Variants in IRAK3 observed in about 807,000 individuals in gnomAD.
IRAK3 encodes interleukin 1 receptor associated kinase 3.
In IRAK3, 57 loss-of-function variants were observed where a neutral mutation model predicts 56.6. The observed-to-expected ratio is 1.01, with a 90% CI of 0.81 to 1.26. IRAK3 has a LOEUF of 1.26. Ranked by LOEUF, IRAK3 falls within the 50% of genes most tolerant of loss-of-function variation. IRAK3 has a pLI of 0.00. For missense variants in IRAK3, 703 were observed against 719.0 expected (o/e 0.98, Z 0.25); for synonymous variants, 258 against 255.7 (o/e 1.01, Z -0.09).
At chr12:66,219,662 C>T (rs963659302) in intron 6 of IRAK3, among the ~76,000 whole-genome samples, 1 of 152,112 alleles carries the variant, frequency 6.6e-6, no homozygotes, top group African/African-American at 2.4e-5. Context: ...CTTTATATTC[C>T]AACCAACAGC....
intron 1 of IRAK3, among the ~76,000 whole-genome samples, chr12:66,195,998 C>T (rs1474674393): frequency 1.3e-5 from 2 of 151,648 alleles, no homozygotes; most frequent in Non-Finnish European, 2.9e-5. Flanking sequence ...CCACCACTCT[C>T]TTATGCCTCT....
intron 6 of IRAK3, among the ~76,000 whole-genome samples, chr12:66,217,540 A>G (rs781699996): frequency 1.3e-5 from 2 of 152,148 alleles, no homozygotes; most frequent in African/African-American, 2.4e-5. Context: ...ATATTTCACC[A>G]TTTCCTCCTT....
chr12:66,232,187 C>A (rs1024301042), intron 8 of IRAK3, among the ~76,000 whole-genome samples: 1 of 152,182 alleles, frequency 6.6e-6, no homozygotes, highest in African/African-American at 2.4e-5. Flanking sequence ...GGGCTGCTGA[C>A]AATTGTTGCC....
chr12:66,220,232 T>C (rs1379467171), intron 6 of IRAK3, among the ~76,000 whole-genome samples: 1 of 152,166 alleles, frequency 6.6e-6, no homozygotes, highest in Non-Finnish European at 1.5e-5. Context: ...GTATATGGTG[T>C]AAGACAAAGG....
Position 66,245,254 on chromosome 12 carries a change from A to G in IRAK3, c.1306A>G (p.Met436Val), listed in dbSNP as rs555279649. Residue 436 changes from methionine (M) to valine (V), a missense_variant, in exon 11 of 12, where the codon ATG (methionine) becomes GTG (valine). Met to Val is a conservative substitution (Grantham distance 21, BLOSUM62 1). Coordinates refer to ENST00000261233, the MANE Select transcript of IRAK3 (RefSeq NM_007199.3). Reference protein sequence around the residue: ...AATRAKLRPSMDEVLNTLEST... With the variant: ...AATRAKLRPSVDEVLNTLEST... ...AACGCGGGCAAAGTTAAGACCATCA[A>G]TGGATGAAGTGAGTATATACATGGT... 2.0e-4 allele frequency: 322 copies of G among 1,614,178 alleles called. 4 individuals carry two copies. The South Asian group carries it at 3.1e-3, about 16-fold the overall frequency.
At chr12:66,203,660 T>G (rs749865097) in intron 1 of IRAK3, 51 bp from the exon 2 acceptor site, 10 of 1,515,244 alleles carry the variant, frequency 6.6e-6, no homozygotes, top group Non-Finnish European at 9.2e-7. Flanking sequence ...AAACAAGTAT[T>G]TTGATAAAAG....
At chr12:66,199,116 A>T (rs1051448428) in intron 1 of IRAK3, among the ~76,000 whole-genome samples, 1 of 152,158 alleles carries the variant, frequency 6.6e-6, no homozygotes, top group Non-Finnish European at 1.5e-5. Flanking sequence ...CTGAAATTTG[A>T]TATTTAGAGT....
intron 6 of IRAK3, among the ~76,000 whole-genome samples, chr12:66,221,888 G>T (rs1368773362): frequency 6.6e-6 from 1 of 152,130 alleles, no homozygotes; most frequent in South Asian, 2.1e-4. Context: ...AATTAGCCAG[G>T]TGTAGTGGTG....
intron 5 of IRAK3, among the ~76,000 whole-genome samples, chr12:66,214,681 C>T (rs1592585988): frequency 6.6e-6 from 1 of 152,174 alleles, no homozygotes; most frequent in East Asian, 1.9e-4. Context: ...TTAGAATTAT[C>T]TAGGAGCTTT....
chr12:66,218,587 G>A (rs192445192), intron 6 of IRAK3, among the ~76,000 whole-genome samples: 4 of 151,926 alleles, frequency 2.6e-5, no homozygotes, highest in East Asian at 1.9e-4. Flanking sequence ...CTTAATTTTC[G>A]CCAATCTGAT....
Position 66,222,217 on chromosome 12 carries a change from T to G in IRAK3, c.654-4506T>G, listed in dbSNP as rs1408251103. On this transcript the variant is annotated intron_variant, in intron 6 of 11. Coordinates refer to ENST00000261233, the MANE Select transcript of IRAK3 (RefSeq NM_007199.3). Reference sequence around the variant, plus strand: ...TAAGTTTGACAGTGTTCCCTCGTCTTTAATTTTTTAAAAGATTTTGACAGG... The same window carrying G: ...TAAGTTTGACAGTGTTCCCTCGTCTGTAATTTTTTAAAAGATTTTGACAGG... Among the ~76,000 whole-genome samples the G allele has an allele frequency of 2.0e-5, 3 of 152,214 alleles. 1 individual carries two copies. Among genetic ancestry groups the G allele is most frequent in the African/African-American group, 4.8e-5 (2 of 41,458 alleles).
At chr12:66,242,907 C>G (rs1276577321) in intron 8 of IRAK3, among the ~76,000 whole-genome samples, 2 of 152,118 alleles carry the variant, frequency 1.3e-5, no homozygotes, top group African/African-American at 4.8e-5. Flanking sequence ...AACTCCATCT[C>G]TACTAAAAAT....
intron 1 of IRAK3, chr12:66,198,095 G>T (rs1404338018): frequency 1.0e-6 from 1 of 985,088 alleles, no homozygotes; most frequent in East Asian, 1.1e-4. Context: ...TATTTTATCT[G>T]AGACTCCTGC....
intron 5 of IRAK3, among the ~76,000 whole-genome samples, chr12:66,212,632 G>A (rs1331640389): frequency 6.6e-6 from 1 of 152,092 alleles, no homozygotes; most frequent in Non-Finnish European, 1.5e-5. Context: ...TTGTAAAAGA[G>A]GTACTTTAGC....
intron 8 of IRAK3, among the ~76,000 whole-genome samples, chr12:66,236,017 C>T (rs534143094): frequency 3.3e-5 from 5 of 152,270 alleles, no homozygotes; most frequent in African/African-American, 9.6e-5. Context: ...AAATGAAATC[C>T]TTATCAGTTC....
chr12:66,251,659 A>G lies in IRAK3; in HGVS notation c.*3488A>G, dbSNP rs2053101129. The G allele has an allele frequency of 6.6e-6, 1 of 152,246 alleles. No homozygotes were observed. Among genetic ancestry groups the G allele is most frequent in the South Asian group, 2.1e-4 (1 of 4,830 alleles). The allele number at this position is 152,246 out of a possible 1,614,324, so 9.4% of individuals were successfully genotyped here. ...GTTGTAATGATCTGTGACTCACTGC[A>G]TAATATTGTAGTTTTATAGGGTGGC... On this transcript the variant is annotated 3_prime_UTR_variant, in exon 12 of 12. Coordinates refer to ENST00000261233, the MANE Select transcript of IRAK3 (RefSeq NM_007199.3).
chr12:66,213,100 T>C (rs1291972664), intron 5 of IRAK3, among the ~76,000 whole-genome samples: 2 of 151,826 alleles, frequency 1.3e-5, no homozygotes, highest in African/African-American at 4.8e-5. Context: ...ATGGACTCAG[T>C]TTCACATGGC....
intron 6 of IRAK3, among the ~76,000 whole-genome samples, chr12:66,217,548 C>T (rs1022131999): frequency 3.9e-5 from 6 of 152,118 alleles, no homozygotes; most frequent in African/African-American, 1.4e-4. Flanking sequence ...CCATTTCCTC[C>T]TTCCTTAGAG....
chr12:66,222,095 T>C (rs1022485582), intron 6 of IRAK3, among the ~76,000 whole-genome samples: 10 of 152,162 alleles, frequency 6.6e-5, no homozygotes, highest in Non-Finnish European at 1.3e-4. Flanking sequence ...TTGTTGAGGA[T>C]TTTTGTATCT....
Sources: gnomAD v4.1 joint callset for allele counts (sites outside exome capture counted in the v4.1 genomes callset) on GRCh38, gnomAD v4.1.1 for gene constraint, MANE v1.5 for transcripts, NCBI Gene and HGNC (gene_info 2026-07-23, HGNC 2026-07-21) for gene names.